Variants in PPP2R3B observed in about 807,000 individuals in gnomAD.
PPP2R3B encodes the protein protein phosphatase 2 regulatory subunit B''beta.
PPP2R3B carries 68 observed loss-of-function variants against 72.9 expected under a neutral mutation model. The ratio of observed to expected loss-of-function variants is 0.93; its 90% CI spans 0.77 to 1.14. The LOEUF (loss-of-function observed/expected upper bound fraction) is 1.14. Among genes scored for constraint, PPP2R3B ranks in the 50% most tolerant of loss-of-function variants. The probability of loss-of-function intolerance (pLI) is 0.00; values close to 1 mark genes in which losing one functional copy is unlikely to be tolerated. For missense variants in PPP2R3B, 1,018 were observed against 842.0 expected (o/e 1.21, Z -2.59); for synonymous variants, 466 against 375.8 (o/e 1.24, Z -2.78).
At chrX:375,103 CT>C (rs1377954097) in intron 1 of PPP2R3B, among the ~76,000 whole-genome samples, 1 of 152,150 alleles carries the variant, frequency 6.6e-6, no homozygotes, top group African/African-American at 2.4e-5. Context: ...GGGTACGCCC[CT>C]CTCCACTTCC....
chrX:357,213 G>A (rs990386039), intron 2 of PPP2R3B, among the ~76,000 whole-genome samples: 25 of 152,064 alleles, frequency 1.6e-4, no homozygotes, highest in Admixed American at 3.3e-4. Flanking sequence ...GGTGCAAAAG[G>A]AGGCACGTGG....
Position 345,685 on chromosome X carries a change from C to T in PPP2R3B, c.880-13G>A, listed in dbSNP as rs1284223700. 1.9e-6 allele frequency: 3 copies of T among 1,611,558 alleles called. No individual in the cohort carries two copies. The highest frequency in any genetic ancestry group is 2.7e-5 in the African/African-American group (2 of 74,836). ...GCAGCGCCACATTCTGCCAAAGGAC[C>T]CAGGCGGCCTGAGCGCGGGGCCTCT... is the stretch of plus-strand genomic sequence containing the variant. On this transcript the variant is annotated splice_polypyrimidine_tract_variant and intron_variant, in intron 6 of 12. Coordinates refer to ENST00000390665, the MANE Select transcript of PPP2R3B (RefSeq NM_013239.5).
In PPP2R3B at chrX:354,072, A is replaced by G. The variant is rs1463256769; in HGVS notation, c.511-6379T>C. Among the ~76,000 whole-genome samples, 16 of 133,618 alleles carry G rather than the reference A, an allele frequency of 1.2e-4. 2 individuals carry two copies. Among genetic ancestry groups the G allele is most frequent in the African/African-American group, 4.4e-4 (12 of 27,058 alleles). 87.7% of individuals were successfully genotyped at this position (133,618 alleles called of 152,430 possible). On this transcript the variant is annotated intron_variant, in intron 2 of 12. Transcript: ENST00000390665. ...TCACCCAAAGACCGGGGCTCGCCCA[A>G]AGACCGGGGCTCACCCAGGGACCAG...
intron 2 of PPP2R3B, among the ~76,000 whole-genome samples, chrX:360,593 C>T (rs2071519048): frequency 6.6e-6 from 1 of 152,202 alleles, no homozygotes; most frequent in East Asian, 1.9e-4. Flanking sequence ...TTCACAGCTG[C>T]AGAGCTGGAG....
At chrX:344,867 G>T (rs1300336367) in intron 7 of PPP2R3B, 1 of 316,000 alleles carries the variant, frequency 3.2e-6, no homozygotes, top group Non-Finnish European at 6.2e-6. Context: ...ATTATGAGTC[G>T]ACCACACACA....
At chrX:370,842 A>C (rs1046025566) in intron 1 of PPP2R3B, among the ~76,000 whole-genome samples, 3 of 152,180 alleles carry the variant, frequency 2.0e-5, no homozygotes, top group Non-Finnish European at 2.9e-5. Flanking sequence ...CACCACGCTG[A>C]AGTCAGTTCC....
intron 10 of PPP2R3B, among the ~76,000 whole-genome samples, 164 bp from the exon 11 acceptor site, chrX:339,060 G>A (rs1226950762): frequency 2.6e-5 from 4 of 152,144 alleles, no homozygotes; most frequent in African/African-American, 9.6e-5. Context: ...GAGTGTCCTG[G>A]TTCTGGGTGG....
intron 7 of PPP2R3B, 28 bp from the exon 8 acceptor site, chrX:341,959 C>G (rs2071089155): frequency 6.2e-7 from 1 of 1,612,206 alleles, no homozygotes; most frequent in Admixed American, 1.7e-5. Flanking sequence ...TGATGGGCAG[C>G]CCGCACCGTG....
Position 351,384 on chromosome X carries a change from C to A in PPP2R3B, c.511-3691G>T, listed in dbSNP as rs140492501. 9.1e-3 allele frequency among the ~76,000 whole-genome samples: 1,383 copies of A among 152,276 alleles called. 21 individuals are homozygous for A. Among genetic ancestry groups the A allele is most frequent in the African/African-American group, 0.031 (1,308 of 41,548 alleles). On this transcript the variant is annotated intron_variant, in intron 2 of 12. Transcript: ENST00000390665. ...ACCCAGGGATGGGGGGATGTGTGAGCCTTCACATCTGTGCTCCTCACCGCG... is the reference window on the plus strand; with the variant it reads ...ACCCAGGGATGGGGGGATGTGTGAGACTTCACATCTGTGCTCCTCACCGCG...
intron 2 of PPP2R3B, among the ~76,000 whole-genome samples, chrX:348,581 A>AAAAG (rs111787156): frequency 6.9e-6 from 1 of 144,380 alleles, no homozygotes; most frequent in Non-Finnish European, 1.5e-5. Flanking sequence ...GTCTCAAAAA[A>AAAAG]AGAGCAAATA....
At chrX:354,191 G>A (rs1010310089) in intron 2 of PPP2R3B, among the ~76,000 whole-genome samples, 12 of 134,248 alleles carry the variant, frequency 8.9e-5, no homozygotes, top group African/African-American at 3.4e-4. Context: ...CCCAAACACC[G>A]GGGGCTCACC....
chrX:342,009 G>C (rs1181961124), intron 7 of PPP2R3B, 78 bp from the exon 8 acceptor site: 31 of 1,551,562 alleles, frequency 2.0e-5, no homozygotes, highest in Admixed American at 3.3e-5. Context: ...GCCGAGACTG[G>C]ATGCGGTGGG....
rs774858914 is a variant in PPP2R3B, at chrX:340,933, A to C, written c.1183T>G (p.Tyr395Asp). The change falls in exon 10 of 13, where the codon TAC becomes GAC. Residue 395 changes from tyrosine to aspartate, a missense_variant. Transcript: ENST00000390665. Reference sequence around the variant, plus strand: ...TCCAGGTCCATGCAGCGGAACCAGTACTCGATGCTGCGGCACGGCGAGCTC... The same window carrying C: ...TCCAGGTCCATGCAGCGGAACCAGTCCTCGATGCTGCGGCACGGCGAGCTC... ...EDKKTPTSIE[Y>D]WFRCMDLDGD... is the part of the protein sequence containing the mutation. The C allele has an allele frequency of 6.2e-7, 1 of 1,610,192 alleles. No homozygotes were observed. The highest frequency in any genetic ancestry group is 1.1e-5 in the South Asian group (1 of 90,966).
intron 1 of PPP2R3B, among the ~76,000 whole-genome samples, chrX:367,334 C>T (rs2071741894): frequency 6.6e-6 from 1 of 151,436 alleles, no homozygotes; most frequent in Non-Finnish European, 1.5e-5. Context: ...AACAGCCTGT[C>T]AGTGACATGC....
At chrX:363,440 A>ATCTCCCCGAGCCCACGATCCCACAG (rs2071594001) in intron 1 of PPP2R3B, among the ~76,000 whole-genome samples, 1 of 4,770 alleles carries the variant, frequency 2.1e-4, no homozygotes. Flanking sequence ...CGATCCCACA[A>ATCTCCCCGAGCCCACGATCCCACAG]TGCATCTCCC....
chrX:348,061 A>G (rs1569389211), intron 2 of PPP2R3B, among the ~76,000 whole-genome samples: 1 of 152,146 alleles, frequency 6.6e-6, no homozygotes, highest in Non-Finnish European at 1.5e-5. Context: ...TCGGACGGCG[A>G]CAGAAACATC....
intron 2 of PPP2R3B, among the ~76,000 whole-genome samples, chrX:356,341 G>A (rs1232584024): frequency 6.6e-6 from 1 of 152,110 alleles, no homozygotes; most frequent in Non-Finnish European, 1.5e-5. Flanking sequence ...TCAGCCTCCC[G>A]AGTAGCTGGA....
At chrX:359,402 C>A in intron 2 of PPP2R3B, among the ~76,000 whole-genome samples, 1 of 152,340 alleles carries the variant, frequency 6.6e-6, no homozygotes. Context: ...GATGGCACTG[C>A]TGTAACTACT....
intron 10 of PPP2R3B, among the ~76,000 whole-genome samples, chrX:339,283 G>A (rs1474964474): frequency 7.2e-6 from 1 of 139,434 alleles, no homozygotes; most frequent in African/African-American, 2.7e-5. Flanking sequence ...GGGGGGGGCA[G>A]GGCTGCAGGG....
Sources: gnomAD v4.1 joint callset for allele counts (sites outside exome capture counted in the v4.1 genomes callset) on GRCh38, gnomAD v4.1.1 for gene constraint, MANE v1.5 for transcripts, NCBI Gene and HGNC (gene_info 2026-07-23, HGNC 2026-07-21) for gene names.